Variants in PDE4D observed in about 807,000 individuals in gnomAD.
PDE4D encodes the protein 3',5'-cyclic-AMP phosphodiesterase 4D.
Under a neutral mutation model 87.4 loss-of-function variants are expected in PDE4D, and 24 were observed. That is an observed-to-expected ratio of 0.27 (90% CI 0.20 to 0.39). The LOEUF is 0.39. Ranked by LOEUF, PDE4D falls within the 10% of genes least tolerant of loss-of-function variation. The pLI is 1.00. For synonymous variants in PDE4D, 384 were observed against 383.2 expected (o/e 1.00, Z -0.02); for missense variants, 714 against 1,041.0 (o/e 0.69, Z 4.32).
At chr5:59,907,800 T>C (rs1753002376) in intron 3 of PDE4D, among the ~76,000 whole-genome samples, 1 of 152,060 alleles carries the variant, frequency 6.6e-6, no homozygotes, top group South Asian at 2.1e-4. Flanking sequence ...AAGGACCTAG[T>C]TCTGACTGAG....
chr5:59,951,157 TAGA>T lies in PDE4D; in HGVS notation c.272+37328_272+37330del, dbSNP rs555994044. Among the ~76,000 whole-genome samples the T allele has an allele frequency of 5.1e-4, 78 of 152,148 alleles. 1 individual carries two copies. The South Asian group carries it at 0.016, about 31-fold the overall frequency. ...TTTTGTGATAGATATTGATAGTAAA[TAGA>T]AGAAAAAAGAACTAAGGAATATTTC... On this transcript the variant is annotated intron_variant, in intron 3 of 16. Coordinates refer to the PDE4D transcript ENST00000502484.
chr5:60,064,008 C>T (rs1278754220), intron 2 of PDE4D, among the ~76,000 whole-genome samples: 1 of 152,000 alleles, frequency 6.6e-6, no homozygotes, highest in Non-Finnish European at 1.5e-5. Flanking sequence ...ATCTTTTGAA[C>T]ACAAAAGTCT....
intron 4 of PDE4D, among the ~76,000 whole-genome samples, chr5:59,182,092 A>C (rs1434133315): frequency 6.6e-6 from 1 of 152,036 alleles, no homozygotes; most frequent in Non-Finnish European, 1.5e-5. Context: ...AATGCACCAA[A>C]TTTTACTTCT....
intron 1 of PDE4D, among the ~76,000 whole-genome samples, chr5:59,354,516 A>T (rs1781041619): frequency 6.6e-6 from 1 of 152,098 alleles, no homozygotes; most frequent in East Asian, 1.9e-4. Context: ...ATGTGTCTGT[A>T]TATATATAGA....
In PDE4D at chr5:59,023,553, G is replaced by A. The variant is rs570552667; in HGVS notation, c.921+15306C>T. Among the ~76,000 whole-genome samples, 3 of 152,270 alleles carry A rather than the reference G, an allele frequency of 2.0e-5. No individual in the cohort carries two copies. In the South Asian group the frequency reaches 6.2e-4, roughly 32 times the overall value. ...TGCCTGTGGCTCCATCCACTCAGGA[G>A]GCTGAGGTGGGAGGATGGCTTGAGC... On this transcript the variant is annotated intron_variant, in intron 6 of 14. Transcript: ENST00000340635.
intron 3 of PDE4D, among the ~76,000 whole-genome samples, chr5:59,940,061 G>A (rs770458104): frequency 6.6e-5 from 10 of 152,172 alleles, no homozygotes; most frequent in Non-Finnish European, 1.5e-4. Flanking sequence ...AGCATAGGGT[G>A]CACAGGCCTT....
intron 1 of PDE4D, among the ~76,000 whole-genome samples, chr5:60,428,756 A>G (rs997440606): frequency 6.6e-6 from 1 of 152,240 alleles, no homozygotes; most frequent in African/African-American, 2.4e-5. Context: ...AGCACAAACC[A>G]TAAATATTAT....
intron 1 of PDE4D, among the ~76,000 whole-genome samples, chr5:59,390,578 T>C (rs575390720): frequency 6.6e-6 from 1 of 152,156 alleles, no homozygotes; most frequent in South Asian, 2.1e-4. Context: ...TTCAAGTTAA[T>C]ATTTTTATAT....
In PDE4D at chr5:60,073,044, C is replaced by T. The variant is rs535845183; in HGVS notation, c.43-84327G>A. 3.3e-5 allele frequency among the ~76,000 whole-genome samples: 5 copies of T among 152,156 alleles called. No homozygotes were observed. The South Asian group carries it at 1.0e-3, about 32-fold the overall frequency. On this transcript the variant is annotated intron_variant, in intron 2 of 16. Coordinates refer to the PDE4D transcript ENST00000502484. ...ATAGCTCTGGCCAGGACTTAAAATACTATGTTGAATAGGAGTGGTGAGAAA... is the reference window on the plus strand; with the variant it reads ...ATAGCTCTGGCCAGGACTTAAAATATTATGTTGAATAGGAGTGGTGAGAAA...
At chr5:60,062,929 G>A (rs1293049392) in intron 2 of PDE4D, among the ~76,000 whole-genome samples, 1 of 151,982 alleles carries the variant, frequency 6.6e-6, no homozygotes, top group African/African-American at 2.4e-5. Context: ...ATGGGGGCAC[G>A]AGGGGAGGGA....
At chr5:60,052,983 G>A (rs1481267617) in intron 2 of PDE4D, among the ~76,000 whole-genome samples, 3 of 152,100 alleles carry the variant, frequency 2.0e-5, no homozygotes, top group South Asian at 4.1e-4. Flanking sequence ...AACTTACAAA[G>A]GATGTGAAGG....
chr5:59,822,832 T>C (rs1769859180), intron 1 of PDE4D, among the ~76,000 whole-genome samples: 1 of 152,156 alleles, frequency 6.6e-6, no homozygotes, highest in Admixed American at 6.6e-5. Flanking sequence ...TTCCAGCAAC[T>C]GTCTCAAACT....
chr5:60,148,469 T>C (rs1369673148), intron 2 of PDE4D, among the ~76,000 whole-genome samples: 1 of 152,218 alleles, frequency 6.6e-6, no homozygotes, highest in African/African-American at 2.4e-5. Context: ...ATTAACACTA[T>C]ACCATTTTAT....
At chr5:59,145,726 T>A (rs867345808) in intron 5 of PDE4D, among the ~76,000 whole-genome samples, 1 of 152,288 alleles carries the variant, frequency 6.6e-6, no homozygotes. Context: ...TTCACCTACA[T>A]AATTCCATGT....
intron 1 of PDE4D, among the ~76,000 whole-genome samples, chr5:59,474,508 A>C (rs542830979): frequency 1.5e-4 from 23 of 152,212 alleles, no homozygotes; most frequent in Admixed American, 3.9e-4. Flanking sequence ...AATTATTTTA[A>C]GCAAAAGTGG....
At chr5:59,302,466 G>A (rs752045511) in intron 1 of PDE4D, among the ~76,000 whole-genome samples, 8 of 151,790 alleles carry the variant, frequency 5.3e-5, no homozygotes, top group Non-Finnish European at 1.2e-4. Context: ...TGAGATTTTG[G>A]TGCACCCATC....
chr5:60,329,237 T>C (rs1757091424), intron 1 of PDE4D, among the ~76,000 whole-genome samples: 1 of 152,166 alleles, frequency 6.6e-6, no homozygotes, highest in South Asian at 2.1e-4. Flanking sequence ...AGGAGGTCAT[T>C]GAATCATGGG....
At chr5:59,755,289 T>C (rs1761060145) in intron 1 of PDE4D, among the ~76,000 whole-genome samples, 1 of 152,194 alleles carries the variant, frequency 6.6e-6, no homozygotes, top group East Asian at 1.9e-4. Context: ...AACTTGAATC[T>C]ATTTTGCCTT....
At chr5:59,651,258 C>CAATAATAATAAT (rs59177482) in intron 1 of PDE4D, among the ~76,000 whole-genome samples, 10 of 142,260 alleles carry the variant, frequency 7.0e-5, no homozygotes, top group African/African-American at 1.8e-4. Context: ...TCTGTCTCAA[C>CAATAATAATAAT]AATAATAATA....
Sources: allele counts gnomAD v4.1 joint callset (sites outside exome capture counted in the v4.1 genomes callset), GRCh38; gene constraint gnomAD v4.1.1; transcripts MANE v1.5; gene names NCBI Gene and HGNC (gene_info 2026-07-23, HGNC 2026-07-21).